MDGA2: variants seen among roughly 807,000 people sequenced by gnomAD.
MDGA2 encodes MAM domain-containing glycosylphosphatidylinositol anchor protein 2.
Under a neutral mutation model 117.8 loss-of-function variants are expected in MDGA2, and 40 were observed. The observed-to-expected ratio is 0.34, with a 90% confidence interval of 0.26 to 0.44. MDGA2 has a LOEUF of 0.44. MDGA2 is among the 20% of genes least tolerant of loss of function. The pLI is 1.00. For missense variants in MDGA2, 1,123 were observed against 1,250.6 expected (o/e 0.90, Z 1.54); for synonymous variants, 452 against 439.0 (o/e 1.03, Z -0.37).
intron 8 of MDGA2, among the ~76,000 whole-genome samples, chr14:46,965,448 G>C (rs927126800): frequency 3.3e-5 from 5 of 152,154 alleles, no homozygotes; most frequent in African/African-American, 1.2e-4. Context: ...AAGTTTAATA[G>C]AGTCTGAGTT....
intron 10 of MDGA2, among the ~76,000 whole-genome samples, chr14:46,882,804 A>G (rs1882515891): frequency 6.6e-6 from 1 of 151,852 alleles, no homozygotes; most frequent in African/African-American, 2.4e-5. Context: ...GGAAAGGGGC[A>G]CTCTTTAGTT....
At chr14:46,967,836 CTAATAA>C (rs1384919284) in intron 8 of MDGA2, among the ~76,000 whole-genome samples, 1 of 150,836 alleles carries the variant, frequency 6.6e-6, no homozygotes, top group Non-Finnish European at 1.5e-5. Context: ...ACAGCAATAA[CTAATAA>C]TAAAAGAATG....
intron 1 of MDGA2, among the ~76,000 whole-genome samples, chr14:47,499,305 C>T (rs1216616252): frequency 6.6e-6 from 1 of 152,044 alleles, no homozygotes; most frequent in East Asian, 1.9e-4. Context: ...CCAGGATTTG[C>T]TATAAAGGTG....
At chr14:47,396,705 A>T (rs1367347392) in intron 1 of MDGA2, among the ~76,000 whole-genome samples, 1 of 152,224 alleles carries the variant, frequency 6.6e-6, no homozygotes, top group African/African-American at 2.4e-5. Flanking sequence ...AAAAGAAGAC[A>T]TTTATGTGGC....
At chr14:46,904,294 C>T (rs1383070017) in intron 10 of MDGA2, among the ~76,000 whole-genome samples, 1 of 150,728 alleles carries the variant, frequency 6.6e-6, no homozygotes, top group African/African-American at 2.5e-5. Flanking sequence ...ATTGCAGAAA[C>T]CCGAAAGGCA....
At chr14:47,328,505 T>C (rs1890205733) in intron 1 of MDGA2, among the ~76,000 whole-genome samples, 2 of 152,156 alleles carry the variant, frequency 1.3e-5, no homozygotes, top group Admixed American at 6.6e-5. Context: ...TTTTTACAAT[T>C]TGCACGTTTT....
intron 1 of MDGA2, among the ~76,000 whole-genome samples, chr14:47,402,846 CCTTCT>C (rs538332313): frequency 2.0e-4 from 31 of 152,016 alleles, no homozygotes; most frequent in Middle Eastern, 3.2e-3. Flanking sequence ...TTTTCAAAAT[CCTTCT>C]CTTCTGTTCC....
chr14:46,969,190 A>G (rs1353516560), intron 8 of MDGA2, among the ~76,000 whole-genome samples: 1 of 152,132 alleles, frequency 6.6e-6, no homozygotes, highest in East Asian at 1.9e-4. Flanking sequence ...TGCTATTGTG[A>G]CTATTGCCGC....
At chr14:47,328,251 C>A (rs1019449406) in intron 1 of MDGA2, among the ~76,000 whole-genome samples, 2 of 152,048 alleles carry the variant, frequency 1.3e-5, no homozygotes, top group Non-Finnish European at 2.9e-5. Context: ...GATTTAGACA[C>A]AAATTCCTGA....
chr14:47,558,024 A>G (rs2138791503), intron 1 of MDGA2, among the ~76,000 whole-genome samples: 1 of 152,346 alleles, frequency 6.6e-6, no homozygotes, highest in Non-Finnish European at 1.5e-5. Context: ...TCTAATAAAT[A>G]TGAGTCATCA....
At chr14:47,433,215 T>TAA (rs1892834020) in intron 1 of MDGA2, among the ~76,000 whole-genome samples, 1 of 152,064 alleles carries the variant, frequency 6.6e-6, no homozygotes, top group African/African-American at 2.4e-5. Context: ...TTAAAAGCAT[T>TAA]TTAATACTAT....
At chr14:47,326,001 G>C (rs1192879056) in intron 1 of MDGA2, among the ~76,000 whole-genome samples, 1 of 152,090 alleles carries the variant, frequency 6.6e-6, no homozygotes, top group African/African-American at 2.4e-5. Flanking sequence ...ATGCAAAGGG[G>C]TTTATTTGAG....
chr14:47,193,016 A>G (rs896500698), intron 3 of MDGA2, among the ~76,000 whole-genome samples: 1 of 152,226 alleles, frequency 6.6e-6, no homozygotes, highest in Non-Finnish European at 1.5e-5. Context: ...AAAGAATATC[A>G]TTGTATTTTT....
At chr14:47,164,377 T>A (rs934148704) in intron 3 of MDGA2, among the ~76,000 whole-genome samples, 10 of 152,000 alleles carry the variant, frequency 6.6e-5, no homozygotes, top group Non-Finnish European at 1.5e-4. Flanking sequence ...ATATCCAGAA[T>A]CTACAAAGAA....
intron 1 of MDGA2, among the ~76,000 whole-genome samples, chr14:47,638,062 G>A (rs1897355671): frequency 6.6e-6 from 1 of 152,158 alleles, no homozygotes; most frequent in African/African-American, 2.4e-5. Flanking sequence ...CTGGTTTAAT[G>A]ATGCCTAAAG....
At chr14:46,894,267 T>C (rs1882994375) in intron 10 of MDGA2, among the ~76,000 whole-genome samples, 2 of 152,132 alleles carry the variant, frequency 1.3e-5, no homozygotes, top group South Asian at 4.1e-4. Flanking sequence ...GAAGATAATA[T>C]AAATATTATT....
chr14:47,293,960 G>A (rs1384299424), intron 2 of MDGA2, among the ~76,000 whole-genome samples: 1 of 152,100 alleles, frequency 6.6e-6, no homozygotes, highest in African/African-American at 2.4e-5. Context: ...AAGGAAGACT[G>A]TAAGTGTTTC....
At chr14:47,508,225 T>G (rs899042505) in intron 1 of MDGA2, among the ~76,000 whole-genome samples, 1 of 152,180 alleles carries the variant, frequency 6.6e-6, no homozygotes, top group African/African-American at 2.4e-5. Context: ...TTACACTATT[T>G]CTTATATAGC....
At chr14:47,431,463 T>C (rs1023995635) in intron 1 of MDGA2, among the ~76,000 whole-genome samples, 6 of 152,044 alleles carry the variant, frequency 3.9e-5, no homozygotes, top group Admixed American at 2.0e-4. Context: ...ATACATAAAA[T>C]ATTAATCCCA....
Sources: allele counts gnomAD v4.1 joint callset (sites outside exome capture counted in the v4.1 genomes callset), GRCh38; gene constraint gnomAD v4.1.1; transcripts MANE v1.5; gene names NCBI Gene and HGNC (gene_info 2026-07-23, HGNC 2026-07-21).